The following RORA variants were observed in gnomAD, a reference collection of about 807,000 sequenced individuals.
RORA encodes nuclear receptor ROR-alpha.
In RORA, 7 loss-of-function variants were observed where a neutral mutation model predicts 69.5. The ratio of observed to expected loss-of-function variants is 0.10; its 90% CI spans 0.06 to 0.19. The LOEUF is 0.19. Ranked by LOEUF, RORA falls within the 10% of genes least tolerant of loss-of-function variation. RORA has a pLI of 1.00. For missense variants in RORA, 457 were observed against 663.0 expected (o/e 0.69, Z 3.41); for synonymous variants, 261 against 240.8 (o/e 1.08, Z -0.78).
chr15:61,030,449 T>G (rs1300343924), intron 1 of RORA, among the ~76,000 whole-genome samples: 2 of 152,222 alleles, frequency 1.3e-5, no homozygotes, highest in African/African-American at 4.8e-5. Context: ...TTATCTGTAC[T>G]AGTCTTGTTA....
At chr15:61,022,926 T>G (rs1895610446) in intron 1 of RORA, among the ~76,000 whole-genome samples, 1 of 152,088 alleles carries the variant, frequency 6.6e-6, no homozygotes, top group African/African-American at 2.4e-5. Context: ...GGCCCACACC[T>G]GCAATCCCAG....
At chr15:61,178,187 A>T (rs2079649230) in intron 1 of RORA, among the ~76,000 whole-genome samples, 1 of 152,164 alleles carries the variant, frequency 6.6e-6, no homozygotes, top group South Asian at 2.1e-4. Flanking sequence ...TTGATTCTAA[A>T]TCCATTCAAC....
intron 1 of RORA, among the ~76,000 whole-genome samples, chr15:61,018,119 T>G (rs1895368664): frequency 6.6e-6 from 1 of 152,220 alleles, no homozygotes; most frequent in Non-Finnish European, 1.5e-5. Flanking sequence ...GATACTTTGT[T>G]AGCCCCTTAT....
intron 1 of RORA, among the ~76,000 whole-genome samples, chr15:61,150,387 C>G (rs1309630168): frequency 6.6e-6 from 1 of 151,676 alleles, no homozygotes; most frequent in East Asian, 1.9e-4. Flanking sequence ...CATGAACATT[C>G]ACAAATAATA....
chr15:60,637,658 CT>C (rs1019043603), intron 2 of RORA, among the ~76,000 whole-genome samples: 2 of 152,034 alleles, frequency 1.3e-5, no homozygotes, highest in African/African-American at 4.8e-5. Flanking sequence ...CAATTTATTA[CT>C]TTTTCCCCAC....
intron 1 of RORA, among the ~76,000 whole-genome samples, chr15:61,015,642 G>A (rs73422404): frequency 0.016 from 2,498 of 152,260 alleles, 68 homozygotes; most frequent in African/African-American, 0.056. Flanking sequence ...TGAAGTCTGT[G>A]CTATTATTAT....
chr15:60,960,121 T>C (rs1747569856), intron 1 of RORA, among the ~76,000 whole-genome samples: 1 of 152,186 alleles, frequency 6.6e-6, no homozygotes, highest in Non-Finnish European at 1.5e-5. Flanking sequence ...CACTTCCTGG[T>C]TTACACAGCC....
chr15:60,775,020 A>G (rs1051767196), intron 1 of RORA, among the ~76,000 whole-genome samples: 1 of 152,178 alleles, frequency 6.6e-6, no homozygotes, highest in African/African-American at 2.4e-5. Context: ...GTCCTGAAAC[A>G]AGTGAGGCCT....
chr15:61,048,774 T>C (rs1595917202), intron 1 of RORA, among the ~76,000 whole-genome samples: 1 of 151,844 alleles, frequency 6.6e-6, no homozygotes, highest in African/African-American at 2.4e-5. Context: ...GGCAGGAGAG[T>C]GAGGTCTGGG....
At chr15:60,760,631 C>G (rs1200676485) in intron 1 of RORA, among the ~76,000 whole-genome samples, 1 of 152,068 alleles carries the variant, frequency 6.6e-6, no homozygotes, top group Admixed American at 6.6e-5. Flanking sequence ...CAGAGCATAC[C>G]AAGAAATAGG....
intron 1 of RORA, among the ~76,000 whole-genome samples, chr15:60,930,370 G>A (rs1000618543): frequency 1.3e-5 from 2 of 152,128 alleles, no homozygotes; most frequent in African/African-American, 4.8e-5. Context: ...TATATAAGCC[G>A]AGAGACAGAA....
chr15:61,016,961 T>C (rs916198677), intron 1 of RORA, among the ~76,000 whole-genome samples: 1 of 152,232 alleles, frequency 6.6e-6, no homozygotes, highest in African/African-American at 2.4e-5. Flanking sequence ...AATGAATGAA[T>C]ATTTTTATTC....
intron 1 of RORA, among the ~76,000 whole-genome samples, chr15:61,000,771 T>G (rs756581296): frequency 6.6e-6 from 1 of 152,128 alleles, no homozygotes; most frequent in African/African-American, 2.4e-5. Context: ...GAAATTCAGG[T>G]GGCCATTTCC....
At chr15:61,031,868 G>A (rs1273546954) in intron 1 of RORA, among the ~76,000 whole-genome samples, 1 of 152,152 alleles carries the variant, frequency 6.6e-6, no homozygotes, top group South Asian at 2.1e-4. Flanking sequence ...ATATATAGAA[G>A]TTCATGTGTA....
chr15:60,833,073 T>G (rs2073068098), intron 1 of RORA, among the ~76,000 whole-genome samples: 1 of 149,896 alleles, frequency 6.7e-6, no homozygotes, highest in African/African-American at 2.5e-5. Context: ...CCCGGCTAAT[T>G]TTTTGTATTT....
At chr15:60,505,421 C>G in intron 6 of RORA, 87 bp downstream of exon 6, 2 of 1,260,194 alleles carry the variant, frequency 1.6e-6, no homozygotes, top group Admixed American at 1.8e-5. Flanking sequence ...ATTCTTTAGT[C>G]TGTGTGAACT....
intron 1 of RORA, among the ~76,000 whole-genome samples, chr15:61,171,801 C>A (rs1052439057): frequency 2.0e-5 from 3 of 152,210 alleles, no homozygotes; most frequent in Non-Finnish European, 4.4e-5. Flanking sequence ...CAATAAAATG[C>A]AAGACACAAA....
chr15:60,621,792 A>G (rs968371086), intron 2 of RORA, among the ~76,000 whole-genome samples: 38 of 152,158 alleles, frequency 2.5e-4, no homozygotes, highest in African/African-American at 8.7e-4. Flanking sequence ...TCACACCTGT[A>G]ATCCCAGCAC....
chr15:60,519,362 G>C (rs899136385), intron 3 of RORA, among the ~76,000 whole-genome samples: 9 of 152,172 alleles, frequency 5.9e-5, no homozygotes, highest in Non-Finnish European at 5.9e-5. Flanking sequence ...TGGTTTTAAG[G>C]CTGAAAAAAC....
Sources: gnomAD v4.1 joint callset for allele counts (sites outside exome capture counted in the v4.1 genomes callset) on GRCh38, gnomAD v4.1.1 for gene constraint, MANE v1.5 for transcripts, NCBI Gene and HGNC (gene_info 2026-07-23, HGNC 2026-07-21) for gene names.